The following BLTP1 variants were observed in gnomAD, a reference collection of about 807,000 sequenced individuals.
The protein encoded by BLTP1 is fragile site-associated protein.
the BLTP1 span, among the ~76,000 whole-genome samples, chr4:122,239,001 A>G: frequency 1.3e-5 from 2 of 152,062 alleles, no homozygotes; most frequent in African/African-American, 4.8e-5. Context: ...TTCTTGATGT[A>G]TCTGCTTGGA....
chr4:122,315,425 A>G, the BLTP1 span: 26 of 1,612,746 alleles, frequency 1.6e-5, no homozygotes, highest in Non-Finnish European at 2.1e-5. Flanking sequence ...TTCTATACCC[A>G]GGACTTAACA....
the BLTP1 span, chr4:122,162,425 A>C: frequency 1.7e-6 from 1 of 574,258 alleles, no homozygotes; most frequent in South Asian, 7.7e-5. Context: ...AAGCCCTGGA[A>C]GGGGATTAAC....
the BLTP1 span, chr4:122,152,667 CTG>C: frequency 1.0e-6 from 1 of 982,232 alleles, no homozygotes; most frequent in Non-Finnish European, 1.2e-6. Context: ...TGGTCGGAGT[CTG>C]AGAGCTTTGG....
At chr4:122,180,432 C>T in the BLTP1 span, among the ~76,000 whole-genome samples, 1 of 152,126 alleles carries the variant, frequency 6.6e-6, no homozygotes, top group African/African-American at 2.4e-5. Context: ...AAAGGCAGCT[C>T]AGCTCTATTG....
At chr4:122,319,276 CT>C in the BLTP1 span, among the ~76,000 whole-genome samples, 108 of 151,282 alleles carry the variant, frequency 7.1e-4, 1 homozygote, top group East Asian at 0.018. Flanking sequence ...TTAATTTGCC[CT>C]TTTTTTTCTA....
chr4:122,315,720 A>G, the BLTP1 span: 1 of 1,605,014 alleles, frequency 6.2e-7, no homozygotes, highest in African/African-American at 1.3e-5. Flanking sequence ...ATTTTTCAGG[A>G]TTGGCTTTTA....
the BLTP1 span, chr4:122,174,192 A>G: frequency 1.0e-6 from 1 of 985,282 alleles, no homozygotes; most frequent in Non-Finnish European, 1.2e-6. Context: ...TTCAAACATA[A>G]ATCGTCTTCC....
the BLTP1 span, chr4:122,208,769 G>C: frequency 1.6e-6 from 1 of 636,652 alleles, no homozygotes; most frequent in Non-Finnish European, 2.0e-6. Context: ...TTTCAAATTT[G>C]TTTATCTCAC....
chr4:122,215,334 A>G, the BLTP1 span: 3 of 956,474 alleles, frequency 3.1e-6, no homozygotes, highest in Admixed American at 6.2e-5. Context: ...AAGATTTACA[A>G]TGATAACAGA....
the BLTP1 span, chr4:122,198,117 A>G: frequency 4.1e-6 from 4 of 985,124 alleles, no homozygotes; most frequent in African/African-American, 1.7e-5. Context: ...AGGGTTGACT[A>G]CGTTCATTAG....
the BLTP1 span, among the ~76,000 whole-genome samples, chr4:122,233,823 T>C: frequency 6.6e-6 from 1 of 152,212 alleles, no homozygotes; most frequent in African/African-American, 2.4e-5. Context: ...TATTTTCTTG[T>C]TTATTGTTTG....
the BLTP1 span, among the ~76,000 whole-genome samples, chr4:122,262,148 T>TTGTGTGTA: frequency 7.5e-6 from 1 of 133,430 alleles, no homozygotes; most frequent in South Asian, 2.9e-4. Context: ...TACAGATCCT[T>TTGTGTGTA]TGTGTGTGTG....
the BLTP1 span, chr4:122,272,454 G>A: frequency 7.0e-7 from 1 of 1,430,422 alleles, no homozygotes; most frequent in Non-Finnish European, 9.5e-7. Context: ...AATAATTAGT[G>A]CTACTTCTCT....
At chr4:122,159,358 G>T in the BLTP1 span, among the ~76,000 whole-genome samples, 3 of 151,944 alleles carry the variant, frequency 2.0e-5, no homozygotes, top group South Asian at 6.2e-4. Context: ...AGCTACTCGG[G>T]AGGCTGAGGC....
the BLTP1 span, chr4:122,200,088 TTTC>T: frequency 1.1e-6 from 1 of 946,742 alleles, no homozygotes; most frequent in Non-Finnish European, 1.3e-6. Flanking sequence ...AGGTTCTTAA[TTTC>T]TTGTCTTAAA....
the BLTP1 span, chr4:122,257,219 A>G: frequency 1.3e-6 from 2 of 1,595,342 alleles, no homozygotes; most frequent in Non-Finnish European, 1.7e-6. Flanking sequence ...ATATTATTAC[A>G]TTAGATTACT....
At chr4:122,155,073 C>T in the BLTP1 span, 2 of 301,840 alleles carry the variant, frequency 6.6e-6, no homozygotes, top group African/African-American at 2.3e-5. Context: ...ATCCAGGCTT[C>T]TGGTAATAGA....
At chr4:122,341,213 A>G in the BLTP1 span, among the ~76,000 whole-genome samples, 1 of 152,158 alleles carries the variant, frequency 6.6e-6, no homozygotes, top group African/African-American at 2.4e-5. Flanking sequence ...GGAAGTATGA[A>G]CATTTTGAAA....
At chr4:122,277,452 T>C in the BLTP1 span, 11 of 983,584 alleles carry the variant, frequency 1.1e-5, no homozygotes, top group Non-Finnish European at 1.2e-5. Flanking sequence ...GTTGTAGTGG[T>C]AGAAGTCATT....
Sources: gnomAD v4.1 joint callset for allele counts (sites outside exome capture counted in the v4.1 genomes callset) on GRCh38, gnomAD v4.1.1 for gene constraint, MANE v1.5 for transcripts, NCBI Gene and HGNC (gene_info 2026-07-23, HGNC 2026-07-21) for gene names.